The following CELSR1 variants were observed in gnomAD, a reference collection of about 807,000 sequenced individuals.
CELSR1 encodes the protein adhesion G protein-coupled receptor C1.
A neutral mutation model predicts 249.1 loss-of-function variants in CELSR1; 110 were observed. The ratio of observed to expected loss-of-function variants is 0.44; its 90% confidence interval spans 0.38 to 0.52. CELSR1 has a LOEUF of 0.52. Among genes scored for constraint, CELSR1 ranks in the 20% least tolerant of loss-of-function variants. The pLI is 0.00. For synonymous variants in CELSR1, 2,113 were observed against 1,900.0 expected, an observed-to-expected ratio of 1.11 and a Z score of -2.92; for missense variants, 4,109 against 4,296.4, an observed-to-expected ratio of 0.96 and a Z score of 1.22.
intron 1 of CELSR1, among the ~76,000 whole-genome samples, chr22:46,485,874 A>G (rs1422069101): frequency 1.3e-5 from 2 of 148,980 alleles, no homozygotes; most frequent in African/African-American, 2.5e-5. Context: ...TATGACAGTG[A>G]TATGTGTCGT....
chr22:46,363,330 G>T lies in CELSR1; in HGVS notation c.9036-83C>A. On this transcript the variant is annotated intron_variant, in intron 34 of 34. Transcript: ENST00000674500. This position sits in a 1 kb window ranked among gnomAD's most constrained non-coding sequence, Gnocchi z 4.3. ...TGGGGCCCAAGGTTGTCACACGGGG[G>T]GGCAGGATCACCCCATCAGGGTAGA... is the stretch of plus-strand genomic sequence containing the variant. 1 of 1,211,972 alleles carries T rather than the reference G, an allele frequency of 8.3e-7. No homozygotes were observed. Among genetic ancestry groups the T allele is most frequent in the Non-Finnish European group, 1.2e-6 (1 of 840,034 alleles). 75.1% of individuals were successfully genotyped at this position (1,211,972 alleles called of 1,614,324 possible). A position where few individuals can be genotyped will look rare whatever the true frequency, so the allele number is the denominator to read the frequency against.
chr22:46,381,225 TCA>T lies in CELSR1; in HGVS notation c.7089-272_7089-271del, dbSNP rs1569118628. ...AAGAGAAGGCACAGGTGCAAAGATG[TCA>T]CAGCCCATAATAGCTAATGGCAGAA... On this transcript the variant is annotated intron_variant, in intron 21 of 34. Coordinates refer to ENST00000674500, the MANE Select transcript of CELSR1 (RefSeq NM_001378328.1). This position sits in a 1 kb window ranked among gnomAD's most constrained non-coding sequence, Gnocchi z 6.0. Among the ~76,000 whole-genome samples the T allele has an allele frequency of 6.6e-6, 1 of 152,116 alleles. No homozygotes were observed. The highest frequency in any genetic ancestry group is 1.5e-5 in the Non-Finnish European group (1 of 68,028).
At position 46,506,776 on chromosome 22, in the gene CELSR1, C is replaced by G. The variant is rs1415823318; in HGVS notation, c.3544+26851G>C. The stretch of plus-strand genomic sequence containing the variant: ...TCCAAATGTGGACAGATGCTGAGAT[C>G]TCTCCGGAAAGATGCCCGATAACAG... On this transcript the variant is annotated intron_variant, in intron 1 of 34. Transcript: ENST00000674500. The surrounding 1 kb of genome is among the most constrained non-coding windows in gnomAD (Gnocchi z 4.1). 6.6e-6 allele frequency among the ~76,000 whole-genome samples: 1 copy of G among 152,240 alleles called. No homozygotes were observed. The highest frequency in any genetic ancestry group is 1.5e-5 in the Non-Finnish European group (1 of 68,050).
At chr22:46,475,256 C>T (rs1314973851) in intron 1 of CELSR1, among the ~76,000 whole-genome samples, 3 of 151,982 alleles carry the variant, frequency 2.0e-5, no homozygotes, top group Non-Finnish European at 4.4e-5. Flanking sequence ...GAAAAAAACC[C>T]AACTTCAGGT....
intron 30 of CELSR1, 90 bp downstream of exon 30, chr22:46,366,296 G>A: frequency 9.8e-7 from 1 of 1,017,266 alleles, no homozygotes; most frequent in African/African-American, 1.7e-5. Flanking sequence ...GGTGATGTTG[G>A]TTGAATGGCA....
At chr22:46,452,811 A>C (rs1265795592) in intron 2 of CELSR1, among the ~76,000 whole-genome samples, 1 of 152,210 alleles carries the variant, frequency 6.6e-6, no homozygotes, top group Non-Finnish European at 1.5e-5. Flanking sequence ...CGCAGACTTC[A>C]CGCCGCCCTT....
At chr22:46,486,668 C>A (rs1166222898) in intron 1 of CELSR1, among the ~76,000 whole-genome samples, 1 of 152,006 alleles carries the variant, frequency 6.6e-6, no homozygotes, top group Non-Finnish European at 1.5e-5. Context: ...CATAGTGAAA[C>A]CCCCTCTCTA....
intron 1 of CELSR1, among the ~76,000 whole-genome samples, chr22:46,524,230 G>A (rs533844741): frequency 6.6e-6 from 1 of 152,362 alleles, no homozygotes; most frequent in Admixed American, 6.5e-5. Flanking sequence ...CTGAGACGAT[G>A]CAGGCACAGA....
chr22:46,483,167 A>C (rs1210771896), intron 1 of CELSR1, among the ~76,000 whole-genome samples: 1 of 152,196 alleles, frequency 6.6e-6, no homozygotes, highest in Admixed American at 6.6e-5. Context: ...ATAGGTAAGC[A>C]ATTCTTAAAC....
intron 1 of CELSR1, among the ~76,000 whole-genome samples, chr22:46,513,306 A>G (rs16995339): frequency 0.021 from 3,221 of 152,246 alleles, 103 homozygotes; most frequent in African/African-American, 0.075. Context: ...GAGAGGCAAC[A>G]TGGCCTGTAA....
chr22:46,537,121 G>A lies in CELSR1; in HGVS notation c.50C>T (p.Ala17Val). ...PVLPVLLLLA[A>V]AAALPAMGLR... ...CCCCATCGCCGGCAGGGCGGCGGCG[G>A]CGGCCAGGAGCAGCAGCACGGGCAG... The change falls in exon 1 of 35, where the codon GCC becomes GTC. Residue 17 changes from alanine (A) to valine (V), a missense_variant. Around this residue, in one of 7 missense-constraint regions of CELSR1, gnomAD observed 673 missense variants for 636.8 expected, o/e 1.06. Coordinates refer to ENST00000674500, the MANE Select transcript of CELSR1 (RefSeq NM_001378328.1). This position sits in a 1 kb window ranked among gnomAD's most constrained non-coding sequence, Gnocchi z 5.8. 1 of 1,036,200 alleles carries A rather than the reference G, an allele frequency of 9.7e-7. No individual in the cohort carries two copies. The highest frequency in any genetic ancestry group is 1.2e-6 in the Non-Finnish European group (1 of 865,780). 64.2% of individuals were successfully genotyped at this position (1,036,200 alleles called of 1,614,324 possible).
intron 2 of CELSR1, among the ~76,000 whole-genome samples, chr22:46,444,711 T>A (rs955365437): frequency 2.6e-5 from 4 of 152,148 alleles, no homozygotes; most frequent in Non-Finnish European, 5.9e-5. Context: ...ACAACAGAAA[T>A]TCATTGTCTC....
At chr22:46,384,475 A>G in intron 20 of CELSR1, 68 bp downstream of exon 20, 1 of 1,506,228 alleles carries the variant, frequency 6.6e-7, no homozygotes, top group Non-Finnish European at 8.9e-7. Flanking sequence ...CGATGCCCGC[A>G]GCGGGGCCCT....
chr22:46,532,394 T>C (rs1389304318), intron 1 of CELSR1, among the ~76,000 whole-genome samples: 1 of 152,228 alleles, frequency 6.6e-6, no homozygotes, highest in Non-Finnish European at 1.5e-5. Flanking sequence ...CTGCCAAAAT[T>C]GTGCGGAAGG....
chr22:46,487,452 GA>G (rs1422308952), intron 1 of CELSR1, among the ~76,000 whole-genome samples: 1 of 143,034 alleles, frequency 7.0e-6, no homozygotes, highest in African/African-American at 2.6e-5. Context: ...TGCCAAGAGG[GA>G]AAACCACAGT....
chr22:46,521,277 G>A (rs965131856), intron 1 of CELSR1, among the ~76,000 whole-genome samples: 5 of 152,202 alleles, frequency 3.3e-5, no homozygotes, highest in Non-Finnish European at 7.3e-5. Context: ...GCCGAAGCAA[G>A]AGGATCATGA....
At chr22:46,465,631 C>G (rs2080088447) in intron 1 of CELSR1, among the ~76,000 whole-genome samples, 1 of 152,232 alleles carries the variant, frequency 6.6e-6, no homozygotes, top group Admixed American at 6.5e-5. Flanking sequence ...CAGCAGGTGG[C>G]TCCGCACCCG....
chr22:46,401,688 T>C lies in CELSR1; in HGVS notation c.5227-1786A>G. On this transcript the variant is annotated intron_variant, in intron 9 of 34. Coordinates refer to ENST00000674500, the MANE Select transcript of CELSR1 (RefSeq NM_001378328.1). This position sits in a 1 kb window ranked among gnomAD's most constrained non-coding sequence, Gnocchi z 4.7. ...TTCATGGGGCTGGAGGATTAAAAAC[T>C]GGGGTTCATGGACTGCCAAGGGTTG... is the stretch of plus-strand genomic sequence containing the variant. Among the ~76,000 whole-genome samples the C allele has an allele frequency of 6.6e-6, 1 of 152,212 alleles. No individual in the cohort carries two copies. Among genetic ancestry groups the C allele is most frequent in the Admixed American group, 6.5e-5 (1 of 15,276 alleles).
In CELSR1 at chr22:46,488,845, G is replaced by C. The variant is rs1227344589; in HGVS notation, c.3545-24500C>G. On this transcript the variant is annotated intron_variant, in intron 1 of 34. Transcript: ENST00000674500. This position sits in a 1 kb window ranked among gnomAD's most constrained non-coding sequence, Gnocchi z 4.7. Reference sequence around the variant, plus strand: ...CAGCTAATTTTTTGTATTTTTAGTAGAGACGGGGTTTCACCGTGTTAGCCA... The same window carrying C: ...CAGCTAATTTTTTGTATTTTTAGTACAGACGGGGTTTCACCGTGTTAGCCA... 2.0e-5 allele frequency among the ~76,000 whole-genome samples: 3 copies of C among 152,140 alleles called. No homozygotes were observed. Among genetic ancestry groups the C allele is most frequent in the Admixed American group, 1.3e-4 (2 of 15,272 alleles).
Sources: allele counts gnomAD v4.1 joint callset (sites outside exome capture counted in the v4.1 genomes callset), GRCh38; gene constraint gnomAD v4.1.1; regional missense constraint gnomAD v4.1.1; non-coding constraint Gnocchi (gnomAD v3.1); transcripts MANE v1.5; gene names NCBI Gene and HGNC (gene_info 2026-07-23, HGNC 2026-07-21).